NOC3L: variants seen among roughly 807,000 people sequenced by gnomAD.
NOC3L encodes nucleolar complex protein 3 homolog.
NOC3L carries 85 observed loss-of-function variants against 102.5 expected under a neutral mutation model. The observed-to-expected ratio is 0.83, with a 90% CI of 0.70 to 0.99. The LOEUF is 0.99. Among genes scored for constraint, NOC3L ranks in the 50% least tolerant of loss-of-function variants. The pLI, the probability that NOC3L is intolerant of heterozygous loss-of-function variation, is 0.00. For synonymous variants in NOC3L, 303 were observed against 309.4 expected, an observed-to-expected ratio of 0.98 and a Z score of 0.22; for missense variants, 878 against 914.9, an observed-to-expected ratio of 0.96 and a Z score of 0.52.
At chr10:94,345,925 C>G (rs576518369) in intron 11 of NOC3L, among the ~76,000 whole-genome samples, 1 of 152,016 alleles carries the variant, frequency 6.6e-6, no homozygotes, top group Non-Finnish European at 1.5e-5. Context: ...TTAACCTGCA[C>G]GATTACCCTG....
At chr10:94,338,026 C>T in intron 18 of NOC3L, 152 bp from the exon 19 acceptor site, 1 of 447,572 alleles carries the variant, frequency 2.2e-6, no homozygotes, top group Non-Finnish European at 3.9e-6. Context: ...CACATACCCA[C>T]AGAAAGAATA....
chr10:94,335,754 T>C (rs938198265), intron 19 of NOC3L, among the ~76,000 whole-genome samples: 1 of 152,182 alleles, frequency 6.6e-6, no homozygotes, highest in African/African-American at 2.4e-5. Flanking sequence ...TTCAAACTCT[T>C]GAGGCCAGAA....
Position 94,358,093 on chromosome 10 carries a change from G to C in NOC3L, c.340C>G (p.Leu114Val). 6.3e-7 allele frequency: 1 copy of C among 1,587,802 alleles called. No individual in the cohort carries two copies. The highest frequency in any genetic ancestry group is 8.6e-7 in the Non-Finnish European group (1 of 1,156,742). ...GQRVSFLTRD[L>V]SSSEPVHAKK... ...CAAATGAAGTATTACCTAGAAGAAA[G>C]ATCTCTTGTTAGAAAAGATACTCTT... is the stretch of plus-strand genomic sequence containing the variant. Residue 114 changes from leucine to valine, a missense_variant, in exon 3 of 21, where the codon CTT (leucine) becomes GTT (valine). Transcript: ENST00000371361.
intron 6 of NOC3L, among the ~76,000 whole-genome samples, chr10:94,353,678 TAC>T (rs1333756668): frequency 6.6e-6 from 1 of 152,200 alleles, no homozygotes; most frequent in Non-Finnish European, 1.5e-5. Flanking sequence ...GTTAGAAACA[TAC>T]AGACCTTAAA....
At chr10:94,329,248 A>C (rs578150260), downstream of NOC3L, 3 of 152,350 alleles carry the variant, frequency 2.0e-5, no homozygotes, top group East Asian at 5.8e-4. Context: ...TTAAGTGTAA[A>C]GGATTCTTCA....
chr10:94,361,032 T>TC (rs1564920033), intron 2 of NOC3L, among the ~76,000 whole-genome samples: 5 of 151,860 alleles, frequency 3.3e-5, no homozygotes. Context: ...AATAATAATT[T>TC]TTAAAAAATG....
downstream of NOC3L, chr10:94,330,162 G>GCTTT (rs59467798): frequency 0.31 from 46,489 of 151,778 alleles, 7,381 homozygotes; most frequent in Middle Eastern, 0.47. Flanking sequence ...TGATTCTGAT[G>GCTTT]CTAAGCGCTG....
chr10:94,342,614 C>A (rs967409525), intron 13 of NOC3L, among the ~76,000 whole-genome samples: 1 of 150,030 alleles, frequency 6.7e-6, no homozygotes, highest in Admixed American at 6.7e-5. Flanking sequence ...TGCAAATAGG[C>A]GACTGACCAA....
rs2054248331 is a variant in NOC3L at position 94,338,661 on chromosome 10, G to A, written c.2038C>T (p.Pro680Ser). The A allele has an allele frequency of 2.5e-6, 4 of 1,613,234 alleles. No homozygotes were observed. The highest frequency in any genetic ancestry group is 3.4e-6 in the Non-Finnish European group (4 of 1,179,490). Residue 680 changes from proline (P) to serine (S), a missense_variant, in exon 18 of 21, where the codon CCT becomes TCT. By Grantham distance (74) the Pro-to-Ser change is moderately conservative. Coordinates refer to ENST00000371361, the MANE Select transcript of NOC3L (RefSeq NM_022451.11). Reference protein sequence around the residue: ...SGVFLPELDEPEYCNAQNTAL... With the variant: ...SGVFLPELDESEYCNAQNTAL... ...GTGTTCTGAGCATTGCAGTACTCAG[G>A]CTCATCCAGTTCAGGAAGGAAAACT...
intron 13 of NOC3L, among the ~76,000 whole-genome samples, chr10:94,343,540 G>A (rs2054309824): frequency 1.3e-5 from 2 of 152,178 alleles, no homozygotes; most frequent in African/African-American, 4.8e-5. Context: ...AATTTCTTAT[G>A]ATAAACAGAA....
intron 5 of NOC3L, 77 bp from the exon 6 acceptor site, chr10:94,355,170 GTAA>G (rs1034046734): frequency 2.1e-5 from 26 of 1,263,022 alleles, no homozygotes; most frequent in African/African-American, 4.5e-5. Context: ...TATTTTTACA[GTAA>G]TAATAATAAT....
At chr10:94,359,113 C>T (rs1256220701) in intron 2 of NOC3L, among the ~76,000 whole-genome samples, 1 of 152,040 alleles carries the variant, frequency 6.6e-6, no homozygotes, top group Non-Finnish European at 1.5e-5. Context: ...ACTTACAATT[C>T]TTCCTGACCC....
intron 9 of NOC3L, among the ~76,000 whole-genome samples, chr10:94,349,656 TAGAC>T (rs1408649078): frequency 6.6e-6 from 1 of 152,204 alleles, no homozygotes; most frequent in Non-Finnish European, 1.5e-5. Flanking sequence ...TTTCTTCAGA[TAGAC>T]AGTGTTTAAT....
At chr10:94,345,032 A>G in intron 11 of NOC3L, 99 bp from the exon 12 acceptor site, 2 of 729,322 alleles carry the variant, frequency 2.7e-6, no homozygotes, top group Non-Finnish European at 4.5e-6. Context: ...ATACAGTAAT[A>G]CCACATGTTG....
In NOC3L at chr10:94,361,841, C is replaced by A. The variant is rs781574865; in HGVS notation, c.41G>T (p.Arg14Leu). The change falls in exon 2 of 21, where the codon CGC becomes CTC. Residue 14 changes from arginine (R) to leucine (L), a missense_variant. Coordinates refer to ENST00000371361, the MANE Select transcript of NOC3L (RefSeq NM_022451.11). Reference protein sequence around the residue: ...RRNKKQIPSFRKLIKTSKVKL... With the variant: ...RRNKKQIPSFLKLIKTSKVKL... ...GACTTTACTAGTTTTTATTAACTTG[C>A]GAAAGCTTGGGATCTGTTTTTTATT... 5 of 1,612,776 alleles carry A rather than the reference C, an allele frequency of 3.1e-6. No individual in the cohort carries two copies. The highest frequency in any genetic ancestry group is 3.3e-4 in the Middle Eastern group (2 of 6,056).
chr10:94,319,930 C>T, the NOC3L span, among the ~76,000 whole-genome samples: 273 of 128,486 alleles, frequency 2.1e-3, no homozygotes, highest in Middle Eastern at 5.9e-3. Flanking sequence ...AGTGCAGTGG[C>T]GCGATCTCAG....
chr10:94,328,314 T>C (rs535434087), downstream of NOC3L: 91 of 193,106 alleles, frequency 4.7e-4, no homozygotes, highest in African/African-American at 1.9e-3. Flanking sequence ...GCCATTGTAG[T>C]GCAAAAGCAG....
chr10:94,321,033 A>G, the NOC3L span, among the ~76,000 whole-genome samples: 1 of 152,220 alleles, frequency 6.6e-6, no homozygotes, highest in African/African-American at 2.4e-5. Context: ...CTGTAGATAC[A>G]TAATCCACCA....
chr10:94,333,993 G>T lies in NOC3L; in HGVS notation c.*184C>A. 2.6e-6 allele frequency: 1 copy of T among 389,108 alleles called. No individual in the cohort carries two copies. Among genetic ancestry groups the T allele is most frequent in the South Asian group, 1.2e-4 (1 of 8,492 alleles). The allele number at this position is 389,108 out of a possible 1,614,324, so 24.1% of individuals were successfully genotyped here. A position where few individuals can be genotyped will look rare whatever the true frequency, so the allele number is the denominator to read the frequency against. ...AAAAAGGCTTTTGATCTCCTTGATGGAATGACATATTCAGAATAGGGGCAG... is the reference window on the plus strand; with the variant it reads ...AAAAAGGCTTTTGATCTCCTTGATGTAATGACATATTCAGAATAGGGGCAG... On this transcript the variant is annotated 3_prime_UTR_variant, in exon 21 of 21. Coordinates refer to ENST00000371361, the MANE Select transcript of NOC3L (RefSeq NM_022451.11).
Sources: allele counts gnomAD v4.1 joint callset (sites outside exome capture counted in the v4.1 genomes callset), GRCh38; gene constraint gnomAD v4.1.1; transcripts MANE v1.5; gene names NCBI Gene and HGNC (gene_info 2026-07-23, HGNC 2026-07-21).